VWC2L: variants seen among roughly 807,000 people sequenced by gnomAD.
VWC2L encodes von Willebrand factor C domain containing 2 like.
In VWC2L, 10 loss-of-function variants were observed where a neutral mutation model predicts 21.6. That is an observed-to-expected ratio of 0.46 (90% CI 0.29 to 0.78). The LOEUF (loss-of-function observed/expected upper bound fraction) is 0.78, where lower values mean the gene tolerates loss of function less well. Among genes scored for constraint, VWC2L ranks in the 30% least tolerant of loss-of-function variants. VWC2L has a pLI of 0.10. For missense variants in VWC2L, 209 were observed against 277.1 expected, an observed-to-expected ratio of 0.75 and a Z score of 1.74; for synonymous variants, 96 against 94.3, an observed-to-expected ratio of 1.02 and a Z score of -0.10.
chr2:214,433,027 GAAAA>G (rs34913555), intron 2 of VWC2L, among the ~76,000 whole-genome samples: 1 of 106,896 alleles, frequency 9.4e-6, no homozygotes, highest in Non-Finnish European at 2.1e-5. Context: ...ATCTCAAGAA[GAAAA>G]AAAAAAAAAA....
intron 3 of VWC2L, among the ~76,000 whole-genome samples, chr2:214,452,386 T>G (rs1432772207): frequency 6.6e-6 from 1 of 152,154 alleles, no homozygotes; most frequent in Non-Finnish European, 1.5e-5. Context: ...TCATCTAGCT[T>G]TTTTCATTCA....
intron 3 of VWC2L, among the ~76,000 whole-genome samples, chr2:214,544,220 G>A (rs978217622): frequency 6.6e-6 from 1 of 152,164 alleles, no homozygotes; most frequent in Non-Finnish European, 1.5e-5. Context: ...CATATTCCTA[G>A]CATTCTGAAT....
chr2:214,423,324 C>T (rs73987326), intron 2 of VWC2L, among the ~76,000 whole-genome samples: 24,513 of 151,912 alleles, frequency 0.16, 2,039 homozygotes, highest in East Asian at 0.25. Flanking sequence ...TATCTGACTC[C>T]CTTATTTTAG....
At chr2:214,469,728 T>C (rs1703277058) in intron 3 of VWC2L, among the ~76,000 whole-genome samples, 1 of 152,170 alleles carries the variant, frequency 6.6e-6, no homozygotes, top group Non-Finnish European at 1.5e-5. Flanking sequence ...GACAAAATAA[T>C]AAATTTTCCA....
intron 3 of VWC2L, among the ~76,000 whole-genome samples, chr2:214,535,294 T>C (rs1689508221): frequency 6.6e-6 from 1 of 152,148 alleles, no homozygotes; most frequent in Non-Finnish European, 1.5e-5. Flanking sequence ...AGTTTTACTT[T>C]CTGACATTTG....
chr2:214,455,950 T>G (rs1257146383), intron 3 of VWC2L, among the ~76,000 whole-genome samples: 1 of 152,196 alleles, frequency 6.6e-6, no homozygotes, highest in Non-Finnish European at 1.5e-5. Context: ...TGACAGACAC[T>G]TTGGTTGATT....
intron 3 of VWC2L, among the ~76,000 whole-genome samples, chr2:214,567,925 T>C (rs1216038969): frequency 1.3e-5 from 2 of 152,168 alleles, no homozygotes; most frequent in East Asian, 1.9e-4. Context: ...CAAAATTGCA[T>C]GTTATCAACT....
intron 3 of VWC2L, among the ~76,000 whole-genome samples, chr2:214,441,540 G>C (rs1201363223): frequency 6.6e-6 from 1 of 152,100 alleles, no homozygotes; most frequent in Non-Finnish European, 1.5e-5. Context: ...TTAAGAAAGA[G>C]TGGAGAAAAT....
intron 3 of VWC2L, among the ~76,000 whole-genome samples, chr2:214,440,502 G>A (rs565099363): frequency 7.2e-4 from 110 of 151,758 alleles, no homozygotes; most frequent in Admixed American, 2.7e-3. Context: ...TGTTTTTATG[G>A]TATGAAAAAA....
intron 3 of VWC2L, among the ~76,000 whole-genome samples, chr2:214,527,157 A>C (rs1689353473): frequency 6.6e-6 from 1 of 152,174 alleles, no homozygotes; most frequent in Non-Finnish European, 1.5e-5. Flanking sequence ...CAGAAAACCA[A>C]ATACTACATG....
intron 3 of VWC2L, among the ~76,000 whole-genome samples, chr2:214,497,855 T>C (rs1457686427): frequency 1.3e-5 from 2 of 152,246 alleles, no homozygotes; most frequent in African/African-American, 2.4e-5. Context: ...CTTTCAACAA[T>C]GATAGTAAGT....
intron 2 of VWC2L, among the ~76,000 whole-genome samples, chr2:214,430,216 C>CTTCTT: frequency 6.6e-6 from 1 of 151,530 alleles, no homozygotes; most frequent in Admixed American, 6.6e-5. Context: ...AATGAGCAAA[C>CTTCTT]TTTACTTGAT....
intron 3 of VWC2L, among the ~76,000 whole-genome samples, chr2:214,498,517 T>C (rs4673840): frequency 0.18 from 26,988 of 151,884 alleles, 2,485 homozygotes; most frequent in East Asian, 0.26. Context: ...TTGGCTATCT[T>C]AAAATACAGA....
At chr2:214,429,433 A>C (rs1422281247) in intron 2 of VWC2L, among the ~76,000 whole-genome samples, 1 of 152,102 alleles carries the variant, frequency 6.6e-6, no homozygotes, top group African/African-American at 2.4e-5. Flanking sequence ...TAAATCCTCA[A>C]GTTTTTGTCT....
In VWC2L at chr2:214,576,133, C is replaced by T. The variant is rs188144945; in HGVS notation, c.*313C>T. 5.7e-5 allele frequency: 10 copies of T among 175,652 alleles called. No individual in the cohort carries two copies. Among genetic ancestry groups the T allele is most frequent in the South Asian group, 3.5e-4 (2 of 5,688 alleles). The allele number at this position is 175,652 out of a possible 1,614,324, so 10.9% of individuals were successfully genotyped here. ...TGCACAGGCTCCTTCCCTGGTAATG[C>T]CTCTGACCTACCAGCTCACTGTCCC... On this transcript the variant is annotated 3_prime_UTR_variant, in exon 4 of 4. Coordinates refer to ENST00000312504, the MANE Select transcript of VWC2L (RefSeq NM_001080500.4).
In VWC2L at chr2:214,577,144, T is replaced by C. The variant is rs887359346; in HGVS notation, c.*1324T>C. The C allele has an allele frequency of 6.6e-6, 1 of 152,144 alleles. No homozygotes were observed. The highest frequency in any genetic ancestry group is 1.5e-5 in the Non-Finnish European group (1 of 68,012). 9.4% of individuals were successfully genotyped at this position (152,144 alleles called of 1,614,324 possible). A position where few individuals can be genotyped will look rare whatever the true frequency, so the allele number is the denominator to read the frequency against. On this transcript the variant is annotated 3_prime_UTR_variant, in exon 4 of 4. Coordinates refer to ENST00000312504, the MANE Select transcript of VWC2L (RefSeq NM_001080500.4). ...ACCACATGGCATAGTTAGTCGCTTA[T>C]TCCATGCTCCTGCCCTAAAAACCCT...
At chr2:214,441,250 G>A (rs1482914108) in intron 3 of VWC2L, among the ~76,000 whole-genome samples, 2 of 151,970 alleles carry the variant, frequency 1.3e-5, no homozygotes, top group African/African-American at 4.8e-5. Context: ...AGGTCCTTGG[G>A]AGAACATATT....
intron 3 of VWC2L, among the ~76,000 whole-genome samples, chr2:214,564,763 A>G (rs75058534): frequency 1.2e-4 from 18 of 152,314 alleles, no homozygotes; most frequent in African/African-American, 3.8e-4. Context: ...GCATGCCAAT[A>G]TCAGAATTTC....
At chr2:214,533,653 C>T (rs1192234544) in intron 3 of VWC2L, among the ~76,000 whole-genome samples, 1 of 152,018 alleles carries the variant, frequency 6.6e-6, no homozygotes, top group Non-Finnish European at 1.5e-5. Flanking sequence ...CATATAAATG[C>T]AAATTCAGCC....
Sources: gnomAD v4.1 joint callset for allele counts (sites outside exome capture counted in the v4.1 genomes callset) on GRCh38, gnomAD v4.1.1 for gene constraint, MANE v1.5 for transcripts, NCBI Gene and HGNC (gene_info 2026-07-23, HGNC 2026-07-21) for gene names.